GPR26: variants seen among roughly 807,000 people sequenced by gnomAD.
The protein encoded by GPR26 is G protein-coupled receptor 26.
In GPR26, 15 loss-of-function variants were observed where a neutral mutation model predicts 23.1. The observed-to-expected ratio is 0.65, with a 90% CI of 0.43 to 1.00. The LOEUF is 1.00. Among genes scored for constraint, GPR26 ranks in the 50% least tolerant of loss-of-function variants. The probability of loss-of-function intolerance (pLI) is 0.00; values close to 1 mark genes in which losing one functional copy is unlikely to be tolerated. For synonymous variants in GPR26, 228 were observed against 222.1 expected (o/e 1.03, Z -0.24); for missense variants, 359 against 470.5 (o/e 0.76, Z 2.19).
intron 2 of GPR26, among the ~76,000 whole-genome samples, chr10:123,677,166 C>T (rs534584843): frequency 2.8e-5 from 4 of 144,600 alleles, no homozygotes; most frequent in African/African-American, 1.0e-4. Flanking sequence ...TTTCATTTCC[C>T]AACAACATTT....
chr10:123,671,556 G>A (rs993619386), intron 1 of GPR26, among the ~76,000 whole-genome samples: 14 of 152,166 alleles, frequency 9.2e-5, no homozygotes, highest in African/African-American at 2.2e-4. Context: ...ACACATGCTC[G>A]CACTCTGACT....
In GPR26 at chr10:123,669,264, T is replaced by G. The variant is rs114313755; in HGVS notation, c.668+2189T>G. ...AGACCTGATAGCACTGCCCCTTTAG[T>G]GAATACAAACTTGTCCTTCTCTGAG... is the stretch of plus-strand genomic sequence containing the variant. On this transcript the variant is annotated intron_variant, in intron 1 of 2. Coordinates refer to ENST00000284674, the MANE Select transcript of GPR26 (RefSeq NM_153442.4). Among the ~76,000 whole-genome samples, 295 of 152,306 alleles carry G rather than the reference T, an allele frequency of 1.9e-3. 2 individuals are homozygous for G. The highest frequency in any genetic ancestry group is 6.9e-3 in the African/African-American group (287 of 41,572).
In GPR26 at chr10:123,666,805, A is replaced by C; in HGVS notation, c.398A>C (p.His133Pro). Reference protein sequence around the residue: ...AALMVAYTWLHALTFPAAALA... With the variant: ...AALMVAYTWLPALTFPAAALA... ...CTCATGGTGGCCTACACGTGGCTGC[A>C]CGCGCTCACCTTCCCAGCCGCCGCG... is the stretch of plus-strand genomic sequence containing the variant. Residue 133 changes from histidine to proline, a missense_variant, in exon 1 of 3, where the codon CAC (histidine) becomes CCC (proline). Physicochemically the swap from His to Pro is moderately conservative, Grantham distance 77. Transcript: ENST00000284674. 2 of 1,607,844 alleles carry C rather than the reference A, an allele frequency of 1.2e-6. No homozygotes were observed. Among genetic ancestry groups the C allele is most frequent in the Non-Finnish European group, 1.7e-6 (2 of 1,178,020 alleles).
At chr10:123,679,136 T>C (rs1038990112) in intron 2 of GPR26, among the ~76,000 whole-genome samples, 1 of 152,200 alleles carries the variant, frequency 6.6e-6, no homozygotes, top group Non-Finnish European at 1.5e-5. Flanking sequence ...ACCTCTGAAA[T>C]GTAGTTGAAG....
rs1564736245 is a variant in GPR26, at chr10:123,697,075, A to G, written c.*8915A>G. On this transcript the variant is annotated 3_prime_UTR_variant, in exon 3 of 3. Transcript: ENST00000284674. ...TGAAGCAAAAGTTTAGCATCCTCTC[A>G]TGTGTGTCAACATTGTAGTTTTACA... Among the ~76,000 whole-genome samples the G allele has an allele frequency of 1.3e-5, 2 of 152,220 alleles. No individual in the cohort carries two copies. Among genetic ancestry groups the G allele is most frequent in the South Asian group, 2.1e-4 (1 of 4,832 alleles).
chr10:123,688,471 G>A lies in GPR26; in HGVS notation c.*311G>A. ...TGACACTCAGTTCTGTCACTGTCAA[G>A]GATGCAGAGAGCTGGTGGTAGGTGG... is the stretch of plus-strand genomic sequence containing the variant. On this transcript the variant is annotated 3_prime_UTR_variant, in exon 3 of 3. Coordinates refer to ENST00000284674, the MANE Select transcript of GPR26 (RefSeq NM_153442.4). 2.7e-6 allele frequency: 1 copy of A among 371,586 alleles called. No individual in the cohort carries two copies. The allele number at this position is 371,586 out of a possible 1,614,324, so 23.0% of individuals were successfully genotyped here. A position where few individuals can be genotyped will look rare whatever the true frequency, so the allele number is the denominator to read the frequency against.
rs1401387060 is a variant in GPR26 at position 123,696,123 on chromosome 10, G to C, written c.*7963G>C. Among the ~76,000 whole-genome samples, 1 of 152,202 alleles carries C rather than the reference G, an allele frequency of 6.6e-6. No homozygotes were observed. The highest frequency in any genetic ancestry group is 1.5e-5 in the Non-Finnish European group (1 of 68,042). On this transcript the variant is annotated 3_prime_UTR_variant, in exon 3 of 3. Transcript: ENST00000284674. Reference sequence around the variant, plus strand: ...CTGGTGTTTGGTGAGGAAGCTCCTAGGAATGCATAGATCTCTCCTTCTGCC... The same window carrying C: ...CTGGTGTTTGGTGAGGAAGCTCCTACGAATGCATAGATCTCTCCTTCTGCC...
At chr10:123,672,867 ACTGTGTGATCTTGGGC>A (rs1845266412) in intron 1 of GPR26, among the ~76,000 whole-genome samples, 1 of 152,206 alleles carries the variant, frequency 6.6e-6, no homozygotes, top group Non-Finnish European at 1.5e-5. Context: ...CCATTTTCCC[ACTGTGTGATCTTGGGC>A]CAGTTTCTTA....
At chr10:123,686,073 A>G (rs1435626435) in intron 2 of GPR26, among the ~76,000 whole-genome samples, 17 of 152,198 alleles carry the variant, frequency 1.1e-4, no homozygotes, top group Non-Finnish European at 2.4e-4. Flanking sequence ...ATTGTCTTGA[A>G]TAATTTTATT....
At position 123,666,868 on chromosome 10, in the gene GPR26, C is replaced by T; in HGVS notation, c.461C>T (p.Ala154Val). The T allele has an allele frequency of 1.2e-6, 2 of 1,611,442 alleles. No individual in the cohort carries two copies. Among genetic ancestry groups the T allele is most frequent in the Non-Finnish European group, 1.7e-6 (2 of 1,179,234 alleles). ...TGGCTCGGCTTCCACCAGCTGTACG[C>T]CTCGTGCACGCTGTGCAGCCGGCGG... The part of the protein sequence containing the change: ...LSWLGFHQLY[A>V]SCTLCSRRPD... Residue 154 changes from alanine to valine, a missense_variant, in exon 1 of 3, where the codon GCC (alanine) becomes GTC (valine). Physicochemically the swap from Ala to Val is moderately conservative, Grantham distance 64 (BLOSUM62 0). Transcript: ENST00000284674.
chr10:123,681,367 C>T (rs1020681133), intron 2 of GPR26, among the ~76,000 whole-genome samples: 5 of 152,202 alleles, frequency 3.3e-5, no homozygotes, highest in Non-Finnish European at 5.9e-5. Flanking sequence ...CACTCAGAAA[C>T]GGAATGCTGC....
chr10:123,667,122 C>T (rs1458680706), intron 1 of GPR26, 47 bp downstream of exon 1: 16 of 1,381,002 alleles, frequency 1.2e-5, no homozygotes, highest in Admixed American at 2.4e-5. Flanking sequence ...CGCGGGATCT[C>T]GGCGGGAGTG....
In GPR26 at chr10:123,693,575, G is replaced by T. The variant is rs920845622; in HGVS notation, c.*5415G>T. On this transcript the variant is annotated 3_prime_UTR_variant, in exon 3 of 3. Transcript: ENST00000284674. ...GGTTTGTAAGTTCCCCAACTTCCCC[G>T]CTGGCTCACACTGTCTCCCCAGACC... The T allele has an allele frequency of 6.6e-6, 1 of 152,220 alleles. No homozygotes were observed. The highest frequency in any genetic ancestry group is 1.5e-5 in the Non-Finnish European group (1 of 68,090). 9.4% of individuals were successfully genotyped at this position (152,220 alleles called of 1,614,324 possible).
chr10:123,667,218 G>A (rs139303396), intron 1 of GPR26, 143 bp downstream of exon 1: 2 of 678,784 alleles, frequency 2.9e-6, no homozygotes, highest in East Asian at 2.8e-5. Flanking sequence ...CCCAGCTGTG[G>A]GGCTTAAGGA....
chr10:123,670,875 G>A lies in GPR26; in HGVS notation c.668+3800G>A, dbSNP rs112282500. On this transcript the variant is annotated intron_variant, in intron 1 of 2. Transcript: ENST00000284674. ...GTTTTAGGCATTTAGAGCTTGGTTT[G>A]GAATGGAAAGTCGGGGCTGTAGGTA... 2.5e-3 allele frequency among the ~76,000 whole-genome samples: 380 copies of A among 152,320 alleles called. 1 individual carries two copies. The highest frequency in any genetic ancestry group is 8.6e-3 in the African/African-American group (356 of 41,576).
chr10:123,684,888 G>A (rs1845414705), intron 2 of GPR26, among the ~76,000 whole-genome samples: 1 of 152,156 alleles, frequency 6.6e-6, no homozygotes, highest in Non-Finnish European at 1.5e-5. Flanking sequence ...CTCAATGGGG[G>A]CCATGACAAA....
intron 2 of GPR26, among the ~76,000 whole-genome samples, chr10:123,683,322 A>G (rs1055245638): frequency 1.3e-5 from 2 of 152,142 alleles, no homozygotes; most frequent in African/African-American, 4.8e-5. Context: ...CCTTGGTTCC[A>G]TCTTCTGTAC....
At position 123,695,884 on chromosome 10, in the gene GPR26, C is replaced by T. The variant is rs1027444074; in HGVS notation, c.*7724C>T. 3.3e-5 allele frequency among the ~76,000 whole-genome samples: 5 copies of T among 152,164 alleles called. No homozygotes were observed. The highest frequency in any genetic ancestry group is 4.8e-5 in the African/African-American group (2 of 41,440). Reference sequence around the variant, plus strand: ...CTCTTTTGGAGTGCAGAAACATTTGCGGAGTCTGGTGTGCCACCAACCCCA... The same window carrying T: ...CTCTTTTGGAGTGCAGAAACATTTGTGGAGTCTGGTGTGCCACCAACCCCA... On this transcript the variant is annotated 3_prime_UTR_variant, in exon 3 of 3. Coordinates refer to ENST00000284674, the MANE Select transcript of GPR26 (RefSeq NM_153442.4).
intron 2 of GPR26, among the ~76,000 whole-genome samples, chr10:123,676,944 C>T (rs1227207624): frequency 6.6e-6 from 1 of 152,210 alleles, no homozygotes; most frequent in Non-Finnish European, 1.5e-5. Flanking sequence ...ACTTACAGCA[C>T]CATCCACAGT....
Sources: gnomAD v4.1 joint callset for allele counts (sites outside exome capture counted in the v4.1 genomes callset) on GRCh38, gnomAD v4.1.1 for gene constraint, MANE v1.5 for transcripts, NCBI Gene and HGNC (gene_info 2026-07-23, HGNC 2026-07-21) for gene names.